The following DGUOK variants were observed in gnomAD, a reference collection of about 807,000 sequenced individuals.
The protein encoded by DGUOK is deoxyguanosine kinase, also known as deoxyguanosine kinase, mitochondrial.
In DGUOK, 30 loss-of-function variants were observed where a neutral mutation model predicts 36.6. The ratio of observed to expected loss-of-function variants is 0.82; its 90% CI spans 0.61 to 1.11. The LOEUF is 1.11. DGUOK is among the 50% of genes most tolerant of loss of function. DGUOK has a pLI of 0.00. For synonymous variants in DGUOK, 145 were observed against 126.3 expected, an observed-to-expected ratio of 1.15 and a Z score of -0.99; for missense variants, 361 against 336.4, an observed-to-expected ratio of 1.07 and a Z score of -0.57.
intron 4 of DGUOK, among the ~76,000 whole-genome samples, chr2:73,954,940 C>T (rs539113472): frequency 6.6e-5 from 10 of 152,226 alleles, no homozygotes; most frequent in African/African-American, 2.2e-4. Flanking sequence ...ACTGTTTGCA[C>T]GGGATTTTTT....
intron 2 of DGUOK, among the ~76,000 whole-genome samples, chr2:73,946,009 C>T (rs886891097): frequency 4.0e-5 from 6 of 148,386 alleles, no homozygotes; most frequent in African/African-American, 9.9e-5. Context: ...GAGCTGAGAT[C>T]GTGCCACTGC....
chr2:73,929,499 C>A (rs1680852744), intron 1 of DGUOK, among the ~76,000 whole-genome samples: 2 of 152,114 alleles, frequency 1.3e-5, no homozygotes, highest in African/African-American at 4.8e-5. Flanking sequence ...TCTCCCCGGA[C>A]TGGAGCTGTA....
At chr2:73,927,448 A>G (rs1680689236) in intron 1 of DGUOK, among the ~76,000 whole-genome samples, 1 of 152,224 alleles carries the variant, frequency 6.6e-6, no homozygotes, top group Non-Finnish European at 1.5e-5. Context: ...ATAACGAATA[A>G]TTTTTAGTGT....
chr2:73,931,262 T>G (rs533157426), intron 1 of DGUOK, among the ~76,000 whole-genome samples: 4 of 152,050 alleles, frequency 2.6e-5, no homozygotes, highest in East Asian at 3.9e-4. Flanking sequence ...TGCAGTTTTT[T>G]GGGGGTTTTT....
At chr2:73,957,323 C>A (rs1683187536) in intron 5 of DGUOK, 83 bp downstream of exon 5, 3 of 989,044 alleles carry the variant, frequency 3.0e-6, no homozygotes, top group Middle Eastern at 2.0e-4. Flanking sequence ...AGCATGCAGC[C>A]CCCTGTAGGA....
At position 73,931,699 on chromosome 2, in the gene DGUOK, G is replaced by A. The variant is rs1196812554; in HGVS notation, c.142+4647G>A. 2.0e-5 allele frequency among the ~76,000 whole-genome samples: 3 copies of A among 152,292 alleles called. No homozygotes were observed. In the East Asian group the frequency reaches 5.8e-4, roughly 29 times the overall value. On this transcript the variant is annotated intron_variant, in intron 1 of 6. Transcript: ENST00000264093. Reference sequence around the variant, plus strand: ...GCTCCATAAAACAGGCACTTTCTTTGTATATTTTGTTTGCTGCAGTACCCA... The same window carrying A: ...GCTCCATAAAACAGGCACTTTCTTTATATATTTTGTTTGCTGCAGTACCCA...
intron 2 of DGUOK, among the ~76,000 whole-genome samples, chr2:73,944,182 G>T (rs1283185180): frequency 6.6e-6 from 1 of 152,062 alleles, no homozygotes; most frequent in Non-Finnish European, 1.5e-5. Flanking sequence ...CTATGCCCAG[G>T]TAACTTTTAA....
chr2:73,946,105 C>T (rs1682285829), intron 2 of DGUOK, among the ~76,000 whole-genome samples: 1 of 151,492 alleles, frequency 6.6e-6, no homozygotes, highest in African/African-American at 2.4e-5. Flanking sequence ...CACTTGTGCC[C>T]ACTTGCACAT....
chr2:73,933,815 TA>T (rs1483755802), intron 1 of DGUOK, among the ~76,000 whole-genome samples: 1 of 152,196 alleles, frequency 6.6e-6, no homozygotes, highest in Non-Finnish European at 1.5e-5. Context: ...TCAGTTATAG[TA>T]CTTACCTCTG....
intron 4 of DGUOK, 111 bp from the exon 5 acceptor site, chr2:73,957,014 G>A: frequency 1.3e-6 from 1 of 746,936 alleles, no homozygotes; most frequent in Non-Finnish European, 2.4e-6. Context: ...CAAAGGCATG[G>A]CTTGTAATGC....
chr2:73,952,033 G>T (rs1286568367), intron 4 of DGUOK, among the ~76,000 whole-genome samples: 2 of 152,122 alleles, frequency 1.3e-5, no homozygotes, highest in African/African-American at 4.8e-5. Context: ...AGCTGAGTGT[G>T]GTTATGTGTG....
intron 2 of DGUOK, among the ~76,000 whole-genome samples, chr2:73,944,144 G>C (rs1462011222): frequency 6.6e-6 from 1 of 152,108 alleles, no homozygotes; most frequent in Non-Finnish European, 1.5e-5. Flanking sequence ...TCAGCCACCA[G>C]AGTAGCTGGG....
chr2:73,938,584 T>A (rs778328758), intron 1 of DGUOK, among the ~76,000 whole-genome samples: 1 of 152,218 alleles, frequency 6.6e-6, no homozygotes, highest in Non-Finnish European at 1.5e-5. Flanking sequence ...GTGACTCAAG[T>A]GATAGAACTT....
At chr2:73,927,102 A>G (rs374860897) in intron 1 of DGUOK, 50 bp downstream of exon 1, 10 of 1,601,152 alleles carry the variant, frequency 6.2e-6, no homozygotes, top group South Asian at 5.5e-5. Flanking sequence ...CACGCAGGCG[A>G]CAGAGGCTGG....
chr2:73,934,421 A>G (rs1681294221), intron 1 of DGUOK, among the ~76,000 whole-genome samples: 1 of 152,140 alleles, frequency 6.6e-6, no homozygotes, highest in African/African-American at 2.4e-5. Flanking sequence ...GCTGCTTGTA[A>G]GTTCTGATAC....
rs554820333 is a variant in DGUOK at position 73,958,938 on chromosome 2, C to CTTAAG, written c.*206_*210dup. ...TGAAGCATTTTGAAAATAAAGTTTA[C>CTTAAG]TTAAGTTATGCTTGTTTTTCTAATT... On this transcript the variant is annotated 3_prime_UTR_variant, in exon 7 of 7. Transcript: ENST00000264093. 0.013 allele frequency: 7,718 copies of CTTAAG among 608,172 alleles called. 76 individuals carry two copies. Among genetic ancestry groups the CTTAAG allele is most frequent in the Middle Eastern group, 0.022 (74 of 3,436 alleles). 37.7% of individuals were successfully genotyped at this position (608,172 alleles called of 1,614,324 possible).
chr2:73,942,136 C>T (rs1681951253), intron 2 of DGUOK, among the ~76,000 whole-genome samples: 1 of 152,080 alleles, frequency 6.6e-6, no homozygotes, highest in Non-Finnish European at 1.5e-5. Flanking sequence ...TCTGGAACTC[C>T]TGACCTCAGG....
At chr2:73,958,453 C>T (rs996153143) in intron 6 of DGUOK, among the ~76,000 whole-genome samples, 5 of 152,154 alleles carry the variant, frequency 3.3e-5, no homozygotes, top group Admixed American at 2.6e-4. Context: ...AAATAATTGA[C>T]TTGTAACATG....
Position 73,958,827 on chromosome 2 carries a change from A to AGCCCCTCTCATCCCT in DGUOK, c.*93_*107dup. On this transcript the variant is annotated 3_prime_UTR_variant, in exon 7 of 7. Transcript: ENST00000264093. The stretch of plus-strand genomic sequence containing the variant: ...GTCTCCCAACCACCTTTCCATCCCC[A>AGCCCCTCTCATCCCT]GCCCCTCTCATCCCTGGAGCACTCT... 1.9e-6 allele frequency: 2 copies of AGCCCCTCTCATCCCT among 1,071,884 alleles called. No individual in the cohort carries two copies. Among genetic ancestry groups the AGCCCCTCTCATCCCT allele is most frequent in the Non-Finnish European group, 2.9e-6 (2 of 685,094 alleles). The allele number at this position is 1,071,884 out of a possible 1,614,324, so 66.4% of individuals were successfully genotyped here.
Sources: allele counts gnomAD v4.1 joint callset (sites outside exome capture counted in the v4.1 genomes callset), GRCh38; gene constraint gnomAD v4.1.1; transcripts MANE v1.5; gene names NCBI Gene and HGNC (gene_info 2026-07-23, HGNC 2026-07-21).